DPP10: variants seen among roughly 807,000 people sequenced by gnomAD.
The protein encoded by DPP10 is inactive dipeptidyl peptidase 10.
DPP10 carries 33 observed loss-of-function variants against 120.9 expected under a neutral mutation model. That is an observed-to-expected ratio of 0.27 (90% CI 0.21 to 0.37). The LOEUF (loss-of-function observed/expected upper bound fraction) is 0.37, where lower values mean the gene tolerates loss of function less well. Ranked by LOEUF, DPP10 falls within the 10% of genes least tolerant of loss-of-function variation. The probability of loss-of-function intolerance (pLI) is 1.00; values close to 1 mark genes in which losing one functional copy is unlikely to be tolerated. For missense variants in DPP10, 816 were observed against 942.8 expected (o/e 0.87, Z 1.76); for synonymous variants, 337 against 326.1 (o/e 1.03, Z -0.36).
intron 5 of DPP10, among the ~76,000 whole-genome samples, chr2:115,670,152 A>G (rs532845786): frequency 6.6e-6 from 1 of 152,204 alleles, no homozygotes; most frequent in South Asian, 2.1e-4. Flanking sequence ...TGTTTCTCTT[A>G]TAAGGGCACT....
intron 1 of DPP10, among the ~76,000 whole-genome samples, chr2:114,947,344 G>A (rs1026036750): frequency 1.4e-5 from 2 of 147,674 alleles, no homozygotes; most frequent in Non-Finnish European, 3.0e-5. Context: ...TTCCATATTG[G>A]CCTAATACAC....
intron 1 of DPP10, among the ~76,000 whole-genome samples, chr2:114,723,542 A>T (rs897578076): frequency 1.3e-5 from 2 of 152,216 alleles, no homozygotes; most frequent in African/African-American, 4.8e-5. Flanking sequence ...TAAAGAGTTC[A>T]TTGGCTCAGA....
At chr2:115,658,050 G>A (rs1178713038) in intron 5 of DPP10, among the ~76,000 whole-genome samples, 1 of 151,892 alleles carries the variant, frequency 6.6e-6, no homozygotes, top group Non-Finnish European at 1.5e-5. Context: ...ACAATAATGT[G>A]TTAATTTTTA....
At chr2:114,847,596 C>A (rs1480155683) in intron 1 of DPP10, among the ~76,000 whole-genome samples, 1 of 152,046 alleles carries the variant, frequency 6.6e-6, no homozygotes, top group Non-Finnish European at 1.5e-5. Flanking sequence ...AGCAAAGAAG[C>A]AGTTCATCTA....
intron 1 of DPP10, among the ~76,000 whole-genome samples, chr2:115,063,492 C>T (rs1363589047): frequency 1.3e-5 from 2 of 152,140 alleles, no homozygotes; most frequent in Non-Finnish European, 2.9e-5. Context: ...AAGCTGGGGG[C>T]ATCATGCTAC....
intron 10 of DPP10, among the ~76,000 whole-genome samples, chr2:115,748,078 T>C (rs1241315322): frequency 1.3e-5 from 2 of 152,118 alleles, no homozygotes; most frequent in African/African-American, 4.8e-5. Context: ...ACTTTCTTCA[T>C]GTCCTATTAA....
chr2:115,692,359 A>G (rs553050004), intron 7 of DPP10, among the ~76,000 whole-genome samples: 1 of 152,126 alleles, frequency 6.6e-6, no homozygotes, highest in African/African-American at 2.4e-5. Flanking sequence ...TGCCTACAGG[A>G]TCAATCTTAA....
At chr2:115,428,814 A>G (rs1180502727) in intron 3 of DPP10, among the ~76,000 whole-genome samples, 2 of 152,192 alleles carry the variant, frequency 1.3e-5, no homozygotes, top group African/African-American at 2.4e-5. Flanking sequence ...TATATTGAAC[A>G]AAGGAGACTG....
At chr2:115,664,857 C>T (rs1346334719) in intron 5 of DPP10, among the ~76,000 whole-genome samples, 1 of 134,402 alleles carries the variant, frequency 7.4e-6, no homozygotes, top group Non-Finnish European at 1.8e-5. Context: ...CTGTTCAACA[C>T]ATCGCCACTA....
At chr2:115,013,421 G>A (rs1209311349) in intron 1 of DPP10, among the ~76,000 whole-genome samples, 5 of 151,970 alleles carry the variant, frequency 3.3e-5, no homozygotes, top group East Asian at 3.9e-4. Context: ...CTGGTTGCCC[G>A]TAACATTTTT....
At chr2:115,539,256 G>C (rs929024786) in intron 5 of DPP10, among the ~76,000 whole-genome samples, 1 of 151,924 alleles carries the variant, frequency 6.6e-6, no homozygotes, top group Non-Finnish European at 1.5e-5. Context: ...AAGAATAATA[G>C]ATATATTCAG....
At chr2:114,819,588 G>C (rs1302379634) in intron 1 of DPP10, among the ~76,000 whole-genome samples, 1 of 152,198 alleles carries the variant, frequency 6.6e-6, no homozygotes, top group Non-Finnish European at 1.5e-5. Flanking sequence ...GCAGATGTTT[G>C]ATTGCTTGTT....
chr2:114,906,820 G>T (rs1694004857), intron 1 of DPP10, among the ~76,000 whole-genome samples: 1 of 151,974 alleles, frequency 6.6e-6, no homozygotes, highest in Non-Finnish European at 1.5e-5. Flanking sequence ...GCTTTCTTAT[G>T]GTGCTTTTGT....
At chr2:115,145,098 T>C (rs1023198370) in intron 1 of DPP10, 2 of 152,074 alleles carry the variant, frequency 1.3e-5, no homozygotes, top group Non-Finnish European at 2.9e-5. Flanking sequence ...GTAATTATTA[T>C]ATACATATCC....
At chr2:114,966,224 T>A (rs142515917) in intron 1 of DPP10, among the ~76,000 whole-genome samples, 12 of 152,168 alleles carry the variant, frequency 7.9e-5, no homozygotes, top group African/African-American at 2.9e-4. Flanking sequence ...CCTGCTATGG[T>A]TTGGTTTGTT....
At chr2:115,740,688 C>CA (rs1434343889) in intron 9 of DPP10, among the ~76,000 whole-genome samples, 3 of 152,038 alleles carry the variant, frequency 2.0e-5, no homozygotes, top group African/African-American at 7.2e-5. Flanking sequence ...AAGAGGGTTG[C>CA]AAAAACATCT....
At chr2:115,414,035 A>T (rs1175527954) in intron 3 of DPP10, among the ~76,000 whole-genome samples, 2 of 152,146 alleles carry the variant, frequency 1.3e-5, no homozygotes. Context: ...TAAGCCTTTA[A>T]TTCTGAGGAA....
rs1003369824 is a variant in DPP10 at position 115,440,516 on chromosome 2, A to G, written c.272-58994A>G. 7.9e-5 allele frequency among the ~76,000 whole-genome samples: 12 copies of G among 152,326 alleles called. 1 individual carries two copies. The East Asian group carries it at 1.7e-3, about 22-fold the overall frequency. On this transcript the variant is annotated intron_variant, in intron 3 of 25. Transcript: ENST00000410059. The stretch of plus-strand genomic sequence containing the variant: ...ACCCAAGCGAGTTAGTGAGAACGCC[A>G]CACTATGAGATGAATCAAGAGTCCT...
chr2:114,575,282 C>G (rs998990959), intron 1 of DPP10, among the ~76,000 whole-genome samples: 3 of 152,250 alleles, frequency 2.0e-5, no homozygotes, highest in African/African-American at 7.2e-5. Flanking sequence ...TGGCATGTCA[C>G]AGGATCATGT....
Sources: gnomAD v4.1 joint callset for allele counts (sites outside exome capture counted in the v4.1 genomes callset) on GRCh38, gnomAD v4.1.1 for gene constraint, MANE v1.5 for transcripts, NCBI Gene and HGNC (gene_info 2026-07-23, HGNC 2026-07-21) for gene names.